Variants in AOPEP observed in about 807,000 individuals in gnomAD.
The protein encoded by AOPEP is aminopeptidase O (putative).
In AOPEP, 77 loss-of-function variants were observed where a neutral mutation model predicts 98.1. The observed-to-expected ratio is 0.78, with a 90% CI of 0.65 to 0.95. AOPEP has a LOEUF of 0.95. Among genes scored for constraint, AOPEP ranks in the 40% least tolerant of loss-of-function variants. AOPEP has a pLI of 0.00. For missense variants in AOPEP, 1,024 were observed against 1,024.7 expected, an observed-to-expected ratio of 1.00 and a Z score of 0.01; for synonymous variants, 346 against 365.3, an observed-to-expected ratio of 0.95 and a Z score of 0.60.
rs979744157 is a variant in AOPEP, at chr9:95,085,825, C to T, written c.*5-857C>T. On this transcript the variant is annotated intron_variant, in intron 16 of 16. Coordinates refer to ENST00000375315, the MANE Select transcript of AOPEP (RefSeq NM_001193329.3). ...CTAAAACCAAATGCATCACCTAAGTCGTGTGAAATCATGTGGTAGCTCATG... is the reference window on the plus strand; with the variant it reads ...CTAAAACCAAATGCATCACCTAAGTTGTGTGAAATCATGTGGTAGCTCATG... The T allele has an allele frequency of 3.3e-5, 34 of 1,025,818 alleles. 1 individual carries two copies. Among genetic ancestry groups the T allele is most frequent in the Middle Eastern group, 8.7e-4 (2 of 2,294 alleles). 63.5% of individuals were successfully genotyped at this position (1,025,818 alleles called of 1,614,324 possible). A position where few individuals can be genotyped will look rare whatever the true frequency, so the allele number is the denominator to read the frequency against.
intron 9 of AOPEP, among the ~76,000 whole-genome samples, chr9:94,967,389 C>G (rs1247812524): frequency 6.6e-6 from 1 of 152,070 alleles, no homozygotes. Context: ...TCTAGGAGTA[C>G]AGGAATCTCT....
At chr9:94,974,061 A>T (rs2059691400) in intron 10 of AOPEP, among the ~76,000 whole-genome samples, 1 of 152,154 alleles carries the variant, frequency 6.6e-6, no homozygotes, top group Admixed American at 6.5e-5. Flanking sequence ...TCTTCCTGAG[A>T]CCTACATCCT....
intron 13 of AOPEP, among the ~76,000 whole-genome samples, chr9:95,007,404 T>C (rs144097905): frequency 6.6e-6 from 1 of 151,676 alleles, no homozygotes; most frequent in East Asian, 1.9e-4. Flanking sequence ...GGGGACTGAT[T>C]ATTTTACCTT....
intron 14 of AOPEP, among the ~76,000 whole-genome samples, chr9:95,064,287 T>G (rs114200888): frequency 0.01 from 1,585 of 152,346 alleles, 30 homozygotes; most frequent in African/African-American, 0.037. Context: ...CTAGGTCTCC[T>G]CTACCTCTTT....
intron 5 of AOPEP, among the ~76,000 whole-genome samples, chr9:94,908,353 C>T (rs2051481418): frequency 6.6e-6 from 1 of 152,158 alleles, no homozygotes; most frequent in African/African-American, 2.4e-5. Context: ...AGTAAATCCT[C>T]CATCCTCCCC....
intron 13 of AOPEP, chr9:95,006,117 G>A (rs1194658889): frequency 2.1e-6 from 1 of 471,100 alleles, no homozygotes; most frequent in East Asian, 6.9e-5. Flanking sequence ...GTTTGCCCAA[G>A]TTTAGAATTT....
intron 5 of AOPEP, among the ~76,000 whole-genome samples, chr9:94,841,169 ATTTTTTTT>A (rs67614379): frequency 7.5e-6 from 1 of 133,842 alleles, no homozygotes; most frequent in African/African-American, 2.8e-5. Context: ...GCTCCACACA[ATTTTTTTT>A]TTTTTTTTTT....
chr9:94,923,896 G>A, intron 5 of AOPEP, 90 bp from the exon 6 acceptor site: 1 of 840,944 alleles, frequency 1.2e-6, no homozygotes, highest in Admixed American at 4.2e-5. Flanking sequence ...ATAATAACAG[G>A]CTTGCCAGGC....
At chr9:94,979,207 C>T (rs550381984) in intron 10 of AOPEP, among the ~76,000 whole-genome samples, 160 bp from the exon 11 acceptor site, 1 of 152,122 alleles carries the variant, frequency 6.6e-6, no homozygotes, top group South Asian at 2.1e-4. Context: ...GACTGGGCTC[C>T]CTTCCACACT....
At chr9:95,036,549 T>C (rs2064835625) in intron 13 of AOPEP, among the ~76,000 whole-genome samples, 1 of 152,194 alleles carries the variant, frequency 6.6e-6, no homozygotes, top group African/African-American at 2.4e-5. Flanking sequence ...TGCCATAAAG[T>C]ATGTGTTTAC....
chr9:95,020,773 C>A (rs1480655934), intron 13 of AOPEP, among the ~76,000 whole-genome samples: 1 of 151,818 alleles, frequency 6.6e-6, no homozygotes, highest in East Asian at 1.9e-4. Context: ...CAAAAATTAG[C>A]CAGGTGTGGT....
At chr9:94,778,072 A>G (rs1431800864) in intron 3 of AOPEP, among the ~76,000 whole-genome samples, 1 of 152,242 alleles carries the variant, frequency 6.6e-6, no homozygotes, top group African/African-American at 2.4e-5. Flanking sequence ...CATCAGGGAA[A>G]TGCAAATTAA....
At chr9:94,925,530 T>C (rs1221710968) in intron 6 of AOPEP, among the ~76,000 whole-genome samples, 1 of 152,284 alleles carries the variant, frequency 6.6e-6, no homozygotes, top group Non-Finnish European at 1.5e-5. Context: ...CACTGTGGGT[T>C]CCCACAATAC....
At chr9:95,038,962 C>T (rs944523130) in intron 13 of AOPEP, among the ~76,000 whole-genome samples, 4 of 152,088 alleles carry the variant, frequency 2.6e-5, no homozygotes, top group Non-Finnish European at 5.9e-5. Flanking sequence ...ATAGGATTGC[C>T]AGTAAATTTG....
intron 5 of AOPEP, among the ~76,000 whole-genome samples, chr9:94,870,909 T>G (rs2046268404): frequency 6.6e-6 from 1 of 152,220 alleles, no homozygotes; most frequent in African/African-American, 2.4e-5. Flanking sequence ...ATAAGGGTGT[T>G]CGGGCTGCTG....
chr9:94,777,524 T>G lies in AOPEP; in HGVS notation c.964+4356T>G, dbSNP rs368190703. Among the ~76,000 whole-genome samples the G allele has an allele frequency of 4.6e-4, 69 of 150,498 alleles. 2 individuals are homozygous for G. The highest frequency in any genetic ancestry group is 1.7e-3 in the African/African-American group (68 of 41,004). On this transcript the variant is annotated intron_variant, in intron 3 of 16. Transcript: ENST00000375315. ...CAAAAATGTCACTATGGAAAATCAG[T>G]AGGACGAAGTGTAAATAAAAATGAA...
Position 94,958,728 on chromosome 9 carries a change from G to A in AOPEP, c.1872+2713G>A, listed in dbSNP as rs757077928. ...GATTATTTGCTGATTTTAAAATTTC[G>A]ATTGTCTTTTATTATTGAGTTTTAA... On this transcript the variant is annotated intron_variant, in intron 9 of 16. Coordinates refer to ENST00000375315, the MANE Select transcript of AOPEP (RefSeq NM_001193329.3). Among the ~76,000 whole-genome samples, 6 of 152,104 alleles carry A rather than the reference G, an allele frequency of 3.9e-5. No homozygotes were observed. The South Asian group carries it at 6.2e-4, about 16-fold the overall frequency.
intron 3 of AOPEP, among the ~76,000 whole-genome samples, chr9:94,789,774 T>C (rs1845242151): frequency 6.6e-6 from 1 of 152,252 alleles, no homozygotes; most frequent in African/African-American, 2.4e-5. Context: ...TGATTCTCTT[T>C]GAGGCTGTGG....
chr9:94,730,373 TA>T (rs11313506), intron 1 of AOPEP, among the ~76,000 whole-genome samples: 32,877 of 151,738 alleles, frequency 0.22, 5,008 homozygotes, highest in African/African-American at 0.43. Context: ...CAGAGATCAT[TA>T]ATGCATTTCC....
Sources: allele counts gnomAD v4.1 joint callset (sites outside exome capture counted in the v4.1 genomes callset), GRCh38; gene constraint gnomAD v4.1.1; transcripts MANE v1.5; gene names NCBI Gene and HGNC (gene_info 2026-07-23, HGNC 2026-07-21).